The following GRIA1 variants were observed in gnomAD, a reference collection of about 807,000 sequenced individuals.
GRIA1 encodes the protein glutamate receptor 1.
A neutral mutation model predicts 99.2 loss-of-function variants in GRIA1; 31 were observed. The ratio of observed to expected loss-of-function variants is 0.31; its 90% CI spans 0.23 to 0.42. The LOEUF (loss-of-function observed/expected upper bound fraction) is 0.42, where lower values mean the gene tolerates loss of function less well. GRIA1 is among the 10% of genes least tolerant of loss of function. The probability of loss-of-function intolerance (pLI) is 1.00; values close to 1 mark genes in which losing one functional copy is unlikely to be tolerated. For missense variants in GRIA1, 782 were observed against 1,157.5 expected, an observed-to-expected ratio of 0.68 and a Z score of 4.71; for synonymous variants, 438 against 432.4, an observed-to-expected ratio of 1.01 and a Z score of -0.16.
At chr5:153,578,789 T>A (rs989234704) in intron 2 of GRIA1, among the ~76,000 whole-genome samples, 2 of 152,086 alleles carry the variant, frequency 1.3e-5, no homozygotes, top group Admixed American at 1.3e-4. Context: ...GCACCTGTAG[T>A]CCTAGCTACT....
At chr5:153,616,217 C>T (rs886988736) in intron 2 of GRIA1, among the ~76,000 whole-genome samples, 2 of 152,198 alleles carry the variant, frequency 1.3e-5, no homozygotes, top group Non-Finnish European at 2.9e-5. Context: ...GTCCCAGATT[C>T]AGTGTCACTT....
At chr5:153,541,617 G>A (rs781395502) in intron 2 of GRIA1, among the ~76,000 whole-genome samples, 47 of 151,990 alleles carry the variant, frequency 3.1e-4, no homozygotes, top group Non-Finnish European at 4.3e-4. Flanking sequence ...ATACACTCTG[G>A]CAACTTCTAA....
intron 2 of GRIA1, among the ~76,000 whole-genome samples, chr5:153,499,721 C>G (rs1000199749): frequency 2.7e-5 from 4 of 149,608 alleles, no homozygotes; most frequent in African/African-American, 9.8e-5. Flanking sequence ...ATTTATGATT[C>G]AAGCTTAAGA....
intron 2 of GRIA1, among the ~76,000 whole-genome samples, chr5:153,526,503 C>T (rs373317470): frequency 1.1e-4 from 16 of 152,280 alleles, no homozygotes; most frequent in African/African-American, 3.8e-4. Context: ...AAATATCAAA[C>T]ATTAACAACC....
At chr5:153,647,195 T>G in intron 3 of GRIA1, 28 bp downstream of exon 3, 1 of 1,605,722 alleles carries the variant, frequency 6.2e-7, no homozygotes, top group Non-Finnish European at 8.5e-7. Flanking sequence ...GGAGGGAGAC[T>G]TTTGAGGGAT....
chr5:153,638,464 C>T, intron 2 of GRIA1, among the ~76,000 whole-genome samples: 1 of 152,356 alleles, frequency 6.6e-6, no homozygotes, highest in Non-Finnish European at 1.5e-5. Context: ...TCTCTGTTCA[C>T]AGCACCTTAA....
intron 2 of GRIA1, among the ~76,000 whole-genome samples, chr5:153,605,381 G>T (rs978833134): frequency 6.6e-6 from 1 of 152,176 alleles, no homozygotes; most frequent in African/African-American, 2.4e-5. Context: ...GTATGAGTAT[G>T]CCAAAATTTA....
At chr5:153,737,433 T>C (rs1761461848) in intron 11 of GRIA1, among the ~76,000 whole-genome samples, 1 of 152,150 alleles carries the variant, frequency 6.6e-6, no homozygotes, top group Admixed American at 6.5e-5. Flanking sequence ...GTCAATGTGA[T>C]TGCCAATTAC....
chr5:153,597,488 A>G (rs1425760876), intron 2 of GRIA1, among the ~76,000 whole-genome samples: 1 of 152,208 alleles, frequency 6.6e-6, no homozygotes, highest in Non-Finnish European at 1.5e-5. Flanking sequence ...GCCTCAGACC[A>G]GTTATTTAAA....
intron 2 of GRIA1, among the ~76,000 whole-genome samples, chr5:153,610,893 G>A (rs532509363): frequency 3.3e-5 from 5 of 152,196 alleles, no homozygotes; most frequent in African/African-American, 1.2e-4. Context: ...CACGTTTATC[G>A]TGTGTCTCTC....
chr5:153,726,582 AC>A (rs1178498178), intron 11 of GRIA1, among the ~76,000 whole-genome samples: 3 of 152,354 alleles, frequency 2.0e-5, no homozygotes, highest in East Asian at 1.9e-4. Flanking sequence ...CCACAGAAAT[AC>A]AAACTACCAT....
At chr5:153,725,690 C>A (rs1242951599) in intron 11 of GRIA1, among the ~76,000 whole-genome samples, 1 of 107,156 alleles carries the variant, frequency 9.3e-6, no homozygotes, top group Non-Finnish European at 1.8e-5. Flanking sequence ...GAAGAGCTAA[C>A]TATCCTAAAT....
intron 7 of GRIA1, among the ~76,000 whole-genome samples, chr5:153,681,879 CA>C (rs535743261): frequency 6.6e-6 from 1 of 151,986 alleles, no homozygotes; most frequent in Non-Finnish European, 1.5e-5. Context: ...ACTAAAAATA[CA>C]AAAAGTTAGC....
At chr5:153,577,163 TGGATGG>T in intron 2 of GRIA1, among the ~76,000 whole-genome samples, 1 of 51,812 alleles carries the variant, frequency 1.9e-5, no homozygotes, top group Non-Finnish European at 7.3e-5. Flanking sequence ...GTTGGATGGA[TGGATGG>T]ATGGATGGAT....
At chr5:153,579,896 CAA>C (rs375002542) in intron 2 of GRIA1, among the ~76,000 whole-genome samples, 1 of 145,322 alleles carries the variant, frequency 6.9e-6, no homozygotes, top group South Asian at 2.3e-4. Context: ...AACAAACAAA[CAA>C]AAAAAAAAAA....
intron 2 of GRIA1, among the ~76,000 whole-genome samples, chr5:153,497,281 A>G (rs1286282190): frequency 6.6e-6 from 1 of 152,184 alleles, no homozygotes; most frequent in Non-Finnish European, 1.5e-5. Context: ...ATATTTACTG[A>G]TCAGCTACCC....
chr5:153,531,165 A>C (rs1452751491), intron 2 of GRIA1, among the ~76,000 whole-genome samples: 1 of 152,082 alleles, frequency 6.6e-6, no homozygotes, highest in East Asian at 1.9e-4. Context: ...TTCAAGTACA[A>C]AAGTTTTTAG....
At chr5:153,653,370 C>T (rs1008624813) in intron 4 of GRIA1, among the ~76,000 whole-genome samples, 8 of 152,070 alleles carry the variant, frequency 5.3e-5, no homozygotes, top group Non-Finnish European at 1.0e-4. Flanking sequence ...GGATGCTGAG[C>T]GTCCACTGGA....
chr5:153,687,201 C>T (rs972056357), intron 8 of GRIA1, among the ~76,000 whole-genome samples: 2 of 152,152 alleles, frequency 1.3e-5, no homozygotes, highest in South Asian at 2.1e-4. Flanking sequence ...CATTTGGTGG[C>T]GTAGCATAAT....
Sources: gnomAD v4.1 joint callset for allele counts (sites outside exome capture counted in the v4.1 genomes callset) on GRCh38, gnomAD v4.1.1 for gene constraint, MANE v1.5 for transcripts, NCBI Gene and HGNC (gene_info 2026-07-23, HGNC 2026-07-21) for gene names.